CAPRIN1: variants seen among roughly 807,000 people sequenced by gnomAD.
CAPRIN1 encodes the protein caprin-1.
Under a neutral mutation model 100.9 loss-of-function variants are expected in CAPRIN1, and 29 were observed. That is an observed-to-expected ratio of 0.29 (90% CI 0.21 to 0.39). The LOEUF is 0.39. Ranked by LOEUF, CAPRIN1 falls within the 10% of genes least tolerant of loss-of-function variation. The pLI, the probability that CAPRIN1 is intolerant of heterozygous loss-of-function variation, is 1.00. For synonymous variants in CAPRIN1, 338 were observed against 307.5 expected (o/e 1.10, Z -1.04); for missense variants, 795 against 876.7 (o/e 0.91, Z 1.18).
intron 4 of CAPRIN1, 87 bp from the exon 5 acceptor site, chr11:34,076,149 C>A: frequency 1.2e-6 from 1 of 867,956 alleles, no homozygotes; most frequent in Non-Finnish European, 1.8e-6. Context: ...TTGAGTAAAA[C>A]ATGTTTTATT....
chr11:34,063,830 C>T (rs148299833), intron 2 of CAPRIN1, among the ~76,000 whole-genome samples: 299 of 152,108 alleles, frequency 2.0e-3, no homozygotes, highest in African/African-American at 6.7e-3. Context: ...GATGGAGTTT[C>T]GCCCTTGTTG....
intron 15 of CAPRIN1, among the ~76,000 whole-genome samples, chr11:34,094,077 G>A (rs1446921799): frequency 6.6e-6 from 1 of 152,178 alleles, no homozygotes; most frequent in East Asian, 1.9e-4. Context: ...TTGTGGGCGG[G>A]CTTCATGGCT....
intron 2 of CAPRIN1, among the ~76,000 whole-genome samples, chr11:34,065,063 C>G (rs1161300584): frequency 6.8e-6 from 1 of 147,008 alleles, no homozygotes; most frequent in East Asian, 2.0e-4. Context: ...GGGTTCTCAC[C>G]TTTCTCCTGC....
At chr11:34,091,141 G>C (rs1307160537) in intron 14 of CAPRIN1, among the ~76,000 whole-genome samples, 1 of 152,160 alleles carries the variant, frequency 6.6e-6, no homozygotes, top group African/African-American at 2.4e-5. Context: ...GTGGGGTGCA[G>C]CTAAATCGGT....
intron 18 of CAPRIN1, 186 bp from the exon 19 acceptor site, chr11:34,099,117 C>T (rs772602187): frequency 2.7e-5 from 38 of 1,432,810 alleles, no homozygotes; most frequent in Non-Finnish European, 3.5e-5. Flanking sequence ...GCTAAGAGAA[C>T]ATGAGCAAAT....
At chr11:34,085,803 C>T (rs576220180) in intron 9 of CAPRIN1, among the ~76,000 whole-genome samples, 7 of 150,840 alleles carry the variant, frequency 4.6e-5, no homozygotes, top group Non-Finnish European at 7.4e-5. Context: ...GATTCCGTCT[C>T]GAAAGAAAAA....
chr11:34,052,561 C>T lies in CAPRIN1; in HGVS notation c.141C>T (p.Gly47=), dbSNP rs759247296. The change falls in exon 2 of 19, where the codon GGC becomes GGT. Residue 47 remains glycine (G), a synonymous_variant. Coordinates refer to ENST00000341394, the MANE Select transcript of CAPRIN1 (RefSeq NM_005898.5). ...CTCAGCACCCCGCAACCGGCACCGG[C>T]GCTGTCCAGACCGAGGCCATGAAGC... ...PASQHPATGT[G]AVQTEAMKQI... 2.5e-6 allele frequency: 4 copies of T among 1,609,994 alleles called. No individual in the cohort carries two copies. The Admixed American group carries it at 6.7e-5, about 27-fold the overall frequency.
At chr11:34,093,819 G>T (rs976167290) in intron 15 of CAPRIN1, among the ~76,000 whole-genome samples, 2 of 123,884 alleles carry the variant, frequency 1.6e-5, no homozygotes, top group Non-Finnish European at 3.5e-5. Context: ...TTTTAGTAGA[G>T]AGAGGGTTTC....
intron 15 of CAPRIN1, among the ~76,000 whole-genome samples, chr11:34,093,267 A>G (rs1409962751): frequency 2.0e-5 from 3 of 151,294 alleles, no homozygotes; most frequent in African/African-American, 7.3e-5. Context: ...GTAATCAGAT[A>G]CTGGAGCCTT....
At position 34,087,236 on chromosome 11, in the gene CAPRIN1, A is replaced by G. The variant is rs1349541923; in HGVS notation, c.1231+823A>G. ...GTTGCATGATGTTAAATATCATAAAATAAATTGCTGAGTAAAAGTATGTTT... is the reference window on the plus strand; with the variant it reads ...GTTGCATGATGTTAAATATCATAAAGTAAATTGCTGAGTAAAAGTATGTTT... On this transcript the variant is annotated intron_variant, in intron 11 of 18. Coordinates refer to ENST00000341394, the MANE Select transcript of CAPRIN1 (RefSeq NM_005898.5). Among the ~76,000 whole-genome samples, 4 of 152,204 alleles carry G rather than the reference A, an allele frequency of 2.6e-5. No individual in the cohort carries two copies. The South Asian group carries it at 8.3e-4, about 31-fold the overall frequency.
chr11:34,092,357 A>G (rs913382968), intron 15 of CAPRIN1, among the ~76,000 whole-genome samples: 2 of 146,744 alleles, frequency 1.4e-5, no homozygotes, highest in African/African-American at 5.1e-5. Context: ...CATAAAGTGT[A>G]CTTTTTTTTT....
rs1457502675 is a variant in CAPRIN1 at position 34,076,238 on chromosome 11, T to A, written c.369T>A (p.Ile123=). Residue 123 remains isoleucine (I), a splice_region_variant and synonymous_variant, in exon 5 of 19, where the codon ATT becomes ATA. Coordinates refer to ENST00000341394, the MANE Select transcript of CAPRIN1 (RefSeq NM_005898.5). ...QRSFMALSQD[I]QKTIKKTARR... ...TTTACTTTTATATTGTTTTGCAGAT[T>A]CAGAAAACAATAAAGAAGACAGCAC... 1.9e-6 allele frequency: 3 copies of A among 1,608,356 alleles called. No individual in the cohort carries two copies. In the South Asian group the frequency reaches 3.3e-5, roughly 18 times the overall value.
chr11:34,061,494 C>T (rs1850578954), intron 2 of CAPRIN1, among the ~76,000 whole-genome samples: 1 of 152,036 alleles, frequency 6.6e-6, no homozygotes, highest in Non-Finnish European at 1.5e-5. Context: ...AGGCATGAGC[C>T]ACTGCACCTG....
At chr11:34,076,102 A>G (rs1010424222) in intron 4 of CAPRIN1, 134 bp from the exon 5 acceptor site, 16 of 627,990 alleles carry the variant, frequency 2.5e-5, no homozygotes, top group Admixed American at 5.8e-5. Context: ...GTAAGTCAGG[A>G]ATCATCCTTT....
intron 11 of CAPRIN1, among the ~76,000 whole-genome samples, chr11:34,088,953 A>G (rs1011581051): frequency 6.6e-6 from 1 of 152,040 alleles, no homozygotes; most frequent in African/African-American, 2.4e-5. Flanking sequence ...TAAAAAGTTT[A>G]TTTATGGTTT....
intron 18 of CAPRIN1, chr11:34,098,595 G>C: frequency 2.0e-6 from 2 of 985,202 alleles, no homozygotes; most frequent in Non-Finnish European, 2.4e-6. Flanking sequence ...AATACTAGTA[G>C]AAACTGGCCA....
Position 34,051,798 on chromosome 11 carries a change from T to C in CAPRIN1, c.-74T>C, listed in dbSNP as rs1850307722. 6.6e-6 allele frequency: 1 copy of C among 152,364 alleles called. No homozygotes were observed. Among genetic ancestry groups the C allele is most frequent in the Non-Finnish European group, 1.5e-5 (1 of 68,224 alleles). 9.4% of individuals were successfully genotyped at this position (152,364 alleles called of 1,614,324 possible). A position where few individuals can be genotyped will look rare whatever the true frequency, so the allele number is the denominator to read the frequency against. On this transcript the variant is annotated 5_prime_UTR_variant, in exon 1 of 19. Coordinates refer to ENST00000341394, the MANE Select transcript of CAPRIN1 (RefSeq NM_005898.5). ...CCTGCGCCCACGGAGCGCGCGACAC[T>C]GCCCGGAAGGGACCACCACCCTTGC... is the stretch of plus-strand genomic sequence containing the variant.
intron 2 of CAPRIN1, among the ~76,000 whole-genome samples, chr11:34,056,111 T>G (rs1468226730): frequency 1.3e-5 from 2 of 152,212 alleles, no homozygotes; most frequent in African/African-American, 4.8e-5. Flanking sequence ...GAAACCCTTG[T>G]GGAGTAAAGT....
chr11:34,054,832 A>G (rs144714865), intron 2 of CAPRIN1, among the ~76,000 whole-genome samples: 2 of 152,332 alleles, frequency 1.3e-5, no homozygotes, highest in East Asian at 3.9e-4. Context: ...CAGTAATTGA[A>G]CATAAAATAT....
Sources: gnomAD v4.1 joint callset for allele counts (sites outside exome capture counted in the v4.1 genomes callset) on GRCh38, gnomAD v4.1.1 for gene constraint, MANE v1.5 for transcripts, NCBI Gene and HGNC (gene_info 2026-07-23, HGNC 2026-07-21) for gene names.